MAN2A1: variants seen among roughly 807,000 people sequenced by gnomAD.
MAN2A1 encodes the protein alpha-mannosidase 2.
MAN2A1 carries 76 observed loss-of-function variants against 142.6 expected under a neutral mutation model. That is an observed-to-expected ratio of 0.53 (90% CI 0.44 to 0.65). MAN2A1 has a LOEUF of 0.65. MAN2A1 is among the 30% of genes least tolerant of loss of function. The pLI is 0.00. For missense variants in MAN2A1, 1,311 were observed against 1,365.1 expected, an observed-to-expected ratio of 0.96 and a Z score of 0.62; for synonymous variants, 559 against 473.2, an observed-to-expected ratio of 1.18 and a Z score of -2.35.
intron 13 of MAN2A1, among the ~76,000 whole-genome samples, chr5:109,818,988 T>C (rs548744417): frequency 2.3e-4 from 35 of 152,306 alleles, no homozygotes; most frequent in African/African-American, 8.2e-4. Flanking sequence ...AATGGCATAG[T>C]ACAGATGATC....
At position 109,770,414 on chromosome 5, in the gene MAN2A1, C is replaced by CGTG. The variant is rs1753112350; in HGVS notation, c.1069_1070insGTG (p.Pro357delinsArgAla). The CGTG allele has an allele frequency of 6.2e-7, 1 of 1,613,850 alleles. No individual in the cohort carries two copies. The highest frequency in any genetic ancestry group is 8.5e-7 in the Non-Finnish European group (1 of 1,179,894). Reference sequence around the variant, plus strand: ...GATGCCCTTCTACAGCTATGACATCCCTCACACTTGTGGACCTGATCCTAA... The same window carrying CGTG: ...GATGCCCTTCTACAGCTATGACATCCGTGCTCACACTTGTGGACCTGATCCTAA... On this transcript the variant is annotated protein_altering_variant, in exon 7 of 22. Transcript: ENST00000261483.
chr5:109,837,624 A>G (rs920666988), intron 16 of MAN2A1, among the ~76,000 whole-genome samples: 4 of 152,184 alleles, frequency 2.6e-5, no homozygotes, highest in African/African-American at 9.7e-5. Flanking sequence ...CATATGGTAC[A>G]TAGTAAGCAT....
At chr5:109,771,515 C>T (rs1303750579) in intron 7 of MAN2A1, among the ~76,000 whole-genome samples, 1 of 152,082 alleles carries the variant, frequency 6.6e-6, no homozygotes, top group African/African-American at 2.4e-5. Flanking sequence ...GCCCTTCTAT[C>T]AAAATGTGAC....
At chr5:109,771,361 A>T (rs915975899) in intron 7 of MAN2A1, among the ~76,000 whole-genome samples, 3 of 151,948 alleles carry the variant, frequency 2.0e-5, no homozygotes, top group Non-Finnish European at 2.9e-5. Context: ...GAAGTCACTT[A>T]AAAAAAAGTG....
intron 7 of MAN2A1, among the ~76,000 whole-genome samples, chr5:109,772,090 G>T (rs1753161759): frequency 6.6e-6 from 1 of 152,160 alleles, no homozygotes; most frequent in Non-Finnish European, 1.5e-5. Context: ...AATACTTAGA[G>T]ATTTTTTCTT....
intron 6 of MAN2A1, among the ~76,000 whole-genome samples, chr5:109,769,459 C>T (rs558071680): frequency 2.0e-4 from 31 of 152,190 alleles, no homozygotes; most frequent in African/African-American, 7.2e-4. Flanking sequence ...GCAGTACATA[C>T]TCATTGCTGA....
intron 12 of MAN2A1, among the ~76,000 whole-genome samples, chr5:109,802,189 T>G (rs1435358462): frequency 6.6e-6 from 1 of 152,172 alleles, no homozygotes; most frequent in Non-Finnish European, 1.5e-5. Context: ...TACTGTACTG[T>G]GTAGACTGCC....
intron 5 of MAN2A1, among the ~76,000 whole-genome samples, chr5:109,766,065 G>A (rs1278006194): frequency 6.6e-6 from 1 of 152,072 alleles, no homozygotes; most frequent in Non-Finnish European, 1.5e-5. Flanking sequence ...AGTGCACTGA[G>A]TTGGAAAATT....
At chr5:109,784,957 A>G in intron 10 of MAN2A1, 31 bp downstream of exon 10, 1 of 1,474,486 alleles carries the variant, frequency 6.8e-7, no homozygotes, top group Non-Finnish European at 9.2e-7. Flanking sequence ...TCATCTTTAA[A>G]AAAATCATTA....
At chr5:109,849,639 C>CTA (rs1755430800) in intron 19 of MAN2A1, among the ~76,000 whole-genome samples, 1 of 152,108 alleles carries the variant, frequency 6.6e-6, no homozygotes, top group Non-Finnish European at 1.5e-5. Context: ...TGGGTCTAGC[C>CTA]TATACACATC....
intron 20 of MAN2A1, among the ~76,000 whole-genome samples, chr5:109,857,568 T>A (rs1281163363): frequency 6.6e-6 from 1 of 152,124 alleles, no homozygotes; most frequent in Non-Finnish European, 1.5e-5. Context: ...AATGTGATTG[T>A]TTTCTGGAAG....
At chr5:109,749,675 T>A (rs1260588715) in intron 4 of MAN2A1, among the ~76,000 whole-genome samples, 1 of 152,088 alleles carries the variant, frequency 6.6e-6, no homozygotes, top group Non-Finnish European at 1.5e-5. Context: ...AGAGAATGTC[T>A]TGGTAGAAAT....
In MAN2A1 at chr5:109,744,134, C is replaced by A. The variant is rs192799264; in HGVS notation, c.708-11195C>A. ...GAAACCTTCCCTTATTTACTTCTAC[C>A]ATTCATTCAGCAAATATTTATTGTG... On this transcript the variant is annotated intron_variant, in intron 4 of 21. Transcript: ENST00000261483. Among the ~76,000 whole-genome samples, 357 of 152,202 alleles carry A rather than the reference C, an allele frequency of 2.3e-3. 4 individuals carry two copies. The highest frequency in any genetic ancestry group is 1.0e-3 in the Non-Finnish European group (69 of 68,016).
intron 6 of MAN2A1, among the ~76,000 whole-genome samples, chr5:109,769,519 A>G (rs1753083347): frequency 6.6e-6 from 1 of 152,202 alleles, no homozygotes; most frequent in African/African-American, 2.4e-5. Context: ...TTAAAAGCTC[A>G]GGATCATATT....
intron 12 of MAN2A1, among the ~76,000 whole-genome samples, chr5:109,798,689 G>GTTTT (rs1005888520): frequency 2.0e-5 from 3 of 151,902 alleles, no homozygotes; most frequent in Non-Finnish European, 2.9e-5. Flanking sequence ...GTTTTGTTTT[G>GTTTT]TTTTGTTTTT....
intron 16 of MAN2A1, among the ~76,000 whole-genome samples, chr5:109,836,794 G>A (rs1197631763): frequency 1.3e-5 from 2 of 151,978 alleles, no homozygotes; most frequent in South Asian, 4.2e-4. Context: ...AATTCCTCTG[G>A]CATCTGTGTC....
At chr5:109,745,879 A>G (rs1482465160) in intron 4 of MAN2A1, among the ~76,000 whole-genome samples, 8 of 152,238 alleles carry the variant, frequency 5.3e-5, no homozygotes, top group Admixed American at 5.2e-4. Context: ...GGTCTCCCAA[A>G]GCACAGGGAT....
chr5:109,765,552 C>T (rs1282011695), intron 5 of MAN2A1, among the ~76,000 whole-genome samples: 1 of 151,988 alleles, frequency 6.6e-6, no homozygotes, highest in African/African-American at 2.4e-5. Flanking sequence ...TAAATTTTTG[C>T]CCTTTCTAAT....
At chr5:109,765,411 A>G (rs1197489069) in intron 5 of MAN2A1, among the ~76,000 whole-genome samples, 1 of 152,138 alleles carries the variant, frequency 6.6e-6, no homozygotes, top group Non-Finnish European at 1.5e-5. Context: ...TAGTTACAAT[A>G]TCACTGCAGT....
Sources: allele counts gnomAD v4.1 joint callset (sites outside exome capture counted in the v4.1 genomes callset), GRCh38; gene constraint gnomAD v4.1.1; transcripts MANE v1.5; gene names NCBI Gene and HGNC (gene_info 2026-07-23, HGNC 2026-07-21).